CAST: variants seen among roughly 807,000 people sequenced by gnomAD.
CAST encodes calpastatin, also known as MIR583 host.
CAST carries 76 observed loss-of-function variants against 119.6 expected under a neutral mutation model. The observed-to-expected ratio is 0.64, with a 90% CI of 0.53 to 0.77. The LOEUF (loss-of-function observed/expected upper bound fraction) is 0.77. Among genes scored for constraint, CAST ranks in the 30% least tolerant of loss-of-function variants. The pLI, the probability that CAST is intolerant of heterozygous loss-of-function variation, is 0.00. For missense variants in CAST, 953 were observed against 946.5 expected (o/e 1.01, Z -0.09); for synonymous variants, 319 against 331.6 (o/e 0.96, Z 0.41).
the CAST span, among the ~76,000 whole-genome samples, chr5:96,325,273 AAG>A: frequency 2.0e-5 from 3 of 152,144 alleles, no homozygotes; most frequent in African/African-American, 7.2e-5. Flanking sequence ...TCTATTAAAA[AAG>A]AGAGTTAGAG....
chr5:96,151,631 G>A, the CAST span, among the ~76,000 whole-genome samples: 1 of 152,186 alleles, frequency 6.6e-6, no homozygotes, highest in African/African-American at 2.4e-5. Context: ...TAAGTTCTTG[G>A]GGAGAGTTAG....
At chr5:96,732,041 T>G (rs922076754) in intron 9 of CAST, among the ~76,000 whole-genome samples, 16 of 151,414 alleles carry the variant, frequency 1.1e-4, no homozygotes, top group Non-Finnish European at 1.9e-4. Context: ...CTAGGTCAAA[T>G]GGTATTTCTA....
the CAST span, among the ~76,000 whole-genome samples, chr5:96,182,006 G>A: frequency 6.6e-6 from 1 of 152,144 alleles, no homozygotes; most frequent in Non-Finnish European, 1.5e-5. Context: ...AGGACAATAA[G>A]AGCTATGTTA....
the CAST span, among the ~76,000 whole-genome samples, chr5:95,988,726 G>T: frequency 6.6e-6 from 1 of 152,132 alleles, no homozygotes; most frequent in African/African-American, 2.4e-5. Flanking sequence ...AGGGATAAAT[G>T]TTGGTAACCA....
chr5:96,675,482 G>C (rs1395248414), intron 1 of CAST, 57 bp from the exon 2 acceptor site: 15 of 1,251,300 alleles, frequency 1.2e-5, no homozygotes, highest in Non-Finnish European at 1.8e-5. Context: ...GGGGATTAAA[G>C]TTACTGTCAT....
Position 96,734,502 on chromosome 5 carries a change from G to A in CAST, c.631-1670G>A, listed in dbSNP as rs568730091. Among the ~76,000 whole-genome samples, 511 of 152,324 alleles carry A rather than the reference G, an allele frequency of 3.4e-3. 2 individuals carry two copies. Among genetic ancestry groups the A allele is most frequent in the Admixed American group, 7.1e-3 (108 of 15,310 alleles). ...AAGAAAGTGGGGAGTTATCCAAGATGAATTGCAGAGCAAAAATCTTCAGGT... is the reference window on the plus strand; with the variant it reads ...AAGAAAGTGGGGAGTTATCCAAGATAAATTGCAGAGCAAAAATCTTCAGGT... On this transcript the variant is annotated intron_variant, in intron 9 of 31. Transcript: ENST00000675179.
chr5:96,511,081 C>A, the CAST span, among the ~76,000 whole-genome samples: 1 of 152,182 alleles, frequency 6.6e-6, no homozygotes, highest in Non-Finnish European at 1.5e-5. Context: ...CTTTGTGTTT[C>A]TCCTTCATGA....
chr5:96,569,729 C>T (rs6886037), intron 1 of CAST, among the ~76,000 whole-genome samples: 3,668 of 152,278 alleles, frequency 0.024, 105 homozygotes, highest in African/African-American at 0.063. Context: ...TCATCCATAG[C>T]GACAACACGA....
At position 96,534,749 on chromosome 5, in the gene CAST, GAAAGAAAGAAAGAA is replaced by G. The variant is rs1218264408; in HGVS notation, c.60+4871_60+4884del. On this transcript the variant is annotated intron_variant, in intron 1 of 11. Transcript: ENST00000505143. ...AGAGAGAGAGAGAGAGAGAAAGAAA[GAAAGAAAGAAAGAA>G]AGAAAGAAAGAAAGAAAGAAAGAAA... 5.3e-4 allele frequency among the ~76,000 whole-genome samples: 25 copies of G among 47,438 alleles called. 1 individual carries two copies. Among genetic ancestry groups the G allele is most frequent in the African/African-American group, 1.3e-3 (15 of 11,178 alleles). The allele number at this position is 47,438 out of a possible 152,430, so 31.1% of individuals were successfully genotyped here.
chr5:96,534,848 G>A (rs189557027), intron 1 of CAST, among the ~76,000 whole-genome samples: 86 of 110,190 alleles, frequency 7.8e-4, no homozygotes, highest in Non-Finnish European at 1.4e-3. Flanking sequence ...AAGGAAGGAA[G>A]GAGGGAGGGA....
At chr5:96,594,169 C>A (rs189267717) in intron 1 of CAST, among the ~76,000 whole-genome samples, 16 of 152,278 alleles carry the variant, frequency 1.1e-4, no homozygotes, top group African/African-American at 3.4e-4. Flanking sequence ...ATAAAGAAAG[C>A]AATGATGTTG....
the CAST span, among the ~76,000 whole-genome samples, chr5:96,231,781 C>T: frequency 6.7e-6 from 1 of 148,992 alleles, no homozygotes; most frequent in Non-Finnish European, 1.5e-5. Context: ...CATAAAAAGG[C>T]AAAAAAAAAG....
At chr5:96,647,359 T>C (rs1748026830) in intron 1 of CAST, among the ~76,000 whole-genome samples, 1 of 152,230 alleles carries the variant, frequency 6.6e-6, no homozygotes, top group Admixed American at 6.5e-5. Flanking sequence ...AATAGCCTTG[T>C]TGCAAGGAAG....
At chr5:96,188,930 C>T in the CAST span, among the ~76,000 whole-genome samples, 1 of 152,044 alleles carries the variant, frequency 6.6e-6, no homozygotes, top group Non-Finnish European at 1.5e-5. Context: ...ATATTTAGAA[C>T]TTATGTTTTT....
At chr5:96,097,863 G>C in the CAST span, among the ~76,000 whole-genome samples, 2 of 151,830 alleles carry the variant, frequency 1.3e-5, no homozygotes. Flanking sequence ...GGGATTGCTG[G>C]GCCAAATGGT....
At chr5:96,223,320 T>C in the CAST span, among the ~76,000 whole-genome samples, 1 of 152,158 alleles carries the variant, frequency 6.6e-6, no homozygotes, top group Non-Finnish European at 1.5e-5. Context: ...AGGTGATGTA[T>C]TAAATAGTAC....
At chr5:96,335,930 C>T in the CAST span, among the ~76,000 whole-genome samples, 4 of 152,282 alleles carry the variant, frequency 2.6e-5, no homozygotes, top group East Asian at 5.8e-4. Flanking sequence ...CAACTCCACT[C>T]CTACCACCAC....
chr5:96,313,762 C>T, the CAST span, among the ~76,000 whole-genome samples: 11 of 152,152 alleles, frequency 7.2e-5, no homozygotes, highest in Admixed American at 6.5e-5. Context: ...TTTGCATTCT[C>T]TTCAGCATTT....
chr5:96,472,144 T>C, the CAST span, among the ~76,000 whole-genome samples: 2 of 152,168 alleles, frequency 1.3e-5, no homozygotes, highest in Non-Finnish European at 2.9e-5. Flanking sequence ...CCTGTGCTTT[T>C]TCAATATCAA....
Sources: allele counts gnomAD v4.1 joint callset (sites outside exome capture counted in the v4.1 genomes callset), GRCh38; gene constraint gnomAD v4.1.1; transcripts MANE v1.5; gene names NCBI Gene and HGNC (gene_info 2026-07-23, HGNC 2026-07-21).